DARS2: variants seen among roughly 807,000 people sequenced by gnomAD.
The protein encoded by DARS2 is aspartyl-tRNA synthetase 2, mitochondrial, also known as aspartate--tRNA ligase, mitochondrial.
In DARS2, 63 loss-of-function variants were observed where a neutral mutation model predicts 83.0. That is an observed-to-expected ratio of 0.76 (90% CI 0.62 to 0.94). DARS2 has a LOEUF of 0.94. DARS2 is among the 40% of genes least tolerant of loss of function. The pLI is 0.00. For missense variants in DARS2, 675 were observed against 774.4 expected, an observed-to-expected ratio of 0.87 and a Z score of 1.52; for synonymous variants, 250 against 269.3, an observed-to-expected ratio of 0.93 and a Z score of 0.70.
intron 1 of DARS2, 93 bp downstream of exon 1, chr1:173,825,449 C>A: frequency 2.1e-6 from 1 of 470,784 alleles, no homozygotes; most frequent in Non-Finnish European, 3.2e-6. Context: ...TTTTTTCCCC[C>A]ATTATTATTA....
chr1:173,836,089 G>A (rs1571983775), intron 7 of DARS2, among the ~76,000 whole-genome samples: 2 of 150,766 alleles, frequency 1.3e-5, no homozygotes, highest in South Asian at 4.2e-4. Context: ...GTGCAGTGGC[G>A]GGAACCCATA....
intron 1 of DARS2, among the ~76,000 whole-genome samples, chr1:173,826,486 C>T (rs1344317982): frequency 1.3e-5 from 2 of 152,104 alleles, no homozygotes; most frequent in African/African-American, 2.4e-5. Flanking sequence ...CAGTTATTCA[C>T]TTGGCTTTTG....
At chr1:173,832,768 C>CAA (rs5779442) in intron 5 of DARS2, among the ~76,000 whole-genome samples, 1 of 103,692 alleles carries the variant, frequency 9.6e-6, no homozygotes. Flanking sequence ...GACTCCATCT[C>CAA]AAAAAAAAAA....
chr1:173,848,360 A>C (rs1376084910), intron 12 of DARS2, among the ~76,000 whole-genome samples: 13 of 152,230 alleles, frequency 8.5e-5, no homozygotes, highest in Non-Finnish European at 1.8e-4. Context: ...TTGAATTGAC[A>C]GCCATATCAT....
At chr1:173,844,002 A>T (rs1484225210) in intron 11 of DARS2, among the ~76,000 whole-genome samples, 2 of 152,206 alleles carry the variant, frequency 1.3e-5, no homozygotes, top group Non-Finnish European at 2.9e-5. Flanking sequence ...TAATTCACAC[A>T]TGGGAGTTAT....
rs1245833972 is a variant in DARS2 at position 173,825,148 on chromosome 1, T to G, written c.-82T>G. ...GGGAACTCCTGGAATTTTAAGGGAT[T>G]TCTGTGTATTTCCAAAACTGACTTT... On this transcript the variant is annotated 5_prime_UTR_variant, in exon 1 of 17. In the 5' UTR this introduces an upstream ATG that the reference lacks. Coordinates refer to ENST00000649689, the MANE Select transcript of DARS2 (RefSeq NM_018122.5). The G allele has an allele frequency of 2.5e-6, 4 of 1,579,712 alleles. No homozygotes were observed. The African/African-American group carries it at 5.4e-5, about 21-fold the overall frequency.
intron 10 of DARS2, 97 bp downstream of exon 10, chr1:173,839,643 A>G (rs1653135408): frequency 8.2e-7 from 1 of 1,215,114 alleles, no homozygotes; most frequent in South Asian, 1.2e-5. Flanking sequence ...CTGTTAGATG[A>G]TATTTTTGTT....
Position 173,850,421 on chromosome 1 carries a change from T to A in DARS2, c.1286T>A (p.Leu429Gln), listed in dbSNP as rs776515510. The A allele has an allele frequency of 1.9e-6, 3 of 1,613,928 alleles. No individual in the cohort carries two copies. The South Asian group carries it at 3.3e-5, about 18-fold the overall frequency. The change falls in exon 13 of 17, where the codon CTA becomes CAA. Residue 429 changes from leucine (L) to glutamine (Q), a missense_variant. Coordinates refer to ENST00000649689, the MANE Select transcript of DARS2 (RefSeq NM_018122.5). ...MESQRLELIR[L>Q]METQEEDVVL... Reference sequence around the variant, plus strand: ...TCACAAAGACTGGAATTAATCAGACTAATGGAGACCCAAGAGGAAGATGTG... The same window carrying A: ...TCACAAAGACTGGAATTAATCAGACAAATGGAGACCCAAGAGGAAGATGTG...
chr1:173,840,384 G>A (rs1052464179), intron 10 of DARS2, among the ~76,000 whole-genome samples: 4 of 152,104 alleles, frequency 2.6e-5, no homozygotes, highest in Admixed American at 6.6e-5. Flanking sequence ...GATTACAGGC[G>A]CATACCACCA....
chr1:173,857,932 GTTCC>G lies in DARS2; in HGVS notation c.*230_*233del, dbSNP rs1653916553. On this transcript the variant is annotated 3_prime_UTR_variant, in exon 17 of 17. Coordinates refer to ENST00000649689, the MANE Select transcript of DARS2 (RefSeq NM_018122.5). Reference sequence around the variant, plus strand: ...TTTTTTGGTTAGGACTTTTTTTGAAGTTCCTTTTTACTTAGGTGTGAAAGATGGT... The same window carrying G: ...TTTTTTGGTTAGGACTTTTTTTGAAGTTTTTACTTAGGTGTGAAAGATGGT... 1.8e-6 allele frequency: 1 copy of G among 548,320 alleles called. No homozygotes were observed. The highest frequency in any genetic ancestry group is 3.3e-6 in the Non-Finnish European group (1 of 306,568). The allele number at this position is 548,320 out of a possible 1,614,324, so 34.0% of individuals were successfully genotyped here. A position where few individuals can be genotyped will look rare whatever the true frequency, so the allele number is the denominator to read the frequency against.
intron 8 of DARS2, among the ~76,000 whole-genome samples, chr1:173,837,803 T>G (rs1294708691): frequency 6.6e-6 from 1 of 152,098 alleles, no homozygotes; most frequent in African/African-American, 2.4e-5. Flanking sequence ...GACAGAGTCT[T>G]TGCTCTGTCA....
At chr1:173,830,813 CATCT>C in intron 4 of DARS2, 52 bp downstream of exon 4, 1 of 1,336,944 alleles carries the variant, frequency 7.5e-7, no homozygotes, top group Non-Finnish European at 1.1e-6. Flanking sequence ...GCATTTGCAC[CATCT>C]GTGTACACAT....
chr1:173,832,490 G>A (rs945262389), intron 5 of DARS2, among the ~76,000 whole-genome samples: 4 of 152,102 alleles, frequency 2.6e-5, no homozygotes, highest in African/African-American at 9.7e-5. Context: ...AGCAAACTAG[G>A]CTGGGCATGG....
intron 5 of DARS2, among the ~76,000 whole-genome samples, 171 bp downstream of exon 5, chr1:173,831,801 G>A (rs1191987743): frequency 6.6e-6 from 1 of 152,196 alleles, no homozygotes; most frequent in Non-Finnish European, 1.5e-5. Flanking sequence ...ACACTGTCCT[G>A]AAATAATGAC....
chr1:173,833,568 T>A, intron 6 of DARS2, 69 bp downstream of exon 6: 1 of 1,596,292 alleles, frequency 6.3e-7, no homozygotes, highest in African/African-American at 1.3e-5. Context: ...GCAGTTTTAT[T>A]GTATCCTTTC....
chr1:173,853,480 AAATCCCAGAGAGCTGG>A lies in DARS2; in HGVS notation c.1481_1496del (p.Pro494ArgfsTer33). 6.2e-7 allele frequency: 1 copy of A among 1,614,118 alleles called. No individual in the cohort carries two copies. The highest frequency in any genetic ancestry group is 2.2e-5 in the East Asian group (1 of 44,886). On this transcript the variant is annotated frameshift_variant, in exon 14 of 17. Transcript: ENST00000649689. LOFTEE classifies it high-confidence loss of function. ...TCCCACTCTTCCTGCCCAAGGAGGA[AAATCCCAGAGAGCTGG>A]AATCGGCCCACCACCCATTTACTGC...
chr1:173,847,778 A>G (rs2102656501), intron 12 of DARS2, among the ~76,000 whole-genome samples: 1 of 146,214 alleles, frequency 6.8e-6, no homozygotes, highest in South Asian at 2.3e-4. Context: ...GTCATGAGAG[A>G]TGAGGCTCAC....
intron 13 of DARS2, 63 bp downstream of exon 13, chr1:173,850,542 G>A (rs1653618037): frequency 1.3e-6 from 2 of 1,503,190 alleles, no homozygotes; most frequent in Non-Finnish European, 9.1e-7. Flanking sequence ...ACTCTCCTAT[G>A]TATATAGTAT....
At chr1:173,846,444 AT>A (rs1053477918) in intron 12 of DARS2, among the ~76,000 whole-genome samples, 39 of 151,716 alleles carry the variant, frequency 2.6e-4, no homozygotes, top group African/African-American at 9.0e-4. Flanking sequence ...GTGAGCTATG[AT>A]TATGCCACTG....
Sources: gnomAD v4.1 joint callset for allele counts (sites outside exome capture counted in the v4.1 genomes callset) on GRCh38, gnomAD v4.1.1 for gene constraint, MANE v1.5 for transcripts, NCBI Gene and HGNC (gene_info 2026-07-23, HGNC 2026-07-21) for gene names.